SDK1: variants seen among roughly 807,000 people sequenced by gnomAD.
SDK1 encodes the protein sidekick cell adhesion molecule 1, also known as protein sidekick-1.
In SDK1, 157 loss-of-function variants were observed where a neutral mutation model predicts 245.5. That is an observed-to-expected ratio of 0.64 (90% CI 0.56 to 0.73). The LOEUF is 0.73. Ranked by LOEUF, SDK1 falls within the 30% of genes least tolerant of loss-of-function variation. SDK1 has a pLI of 0.00. For missense variants in SDK1, 3,583 were observed against 3,002.3 expected (o/e 1.19, Z -4.52); for synonymous variants, 1,647 against 1,278.5 (o/e 1.29, Z -6.15).
intron 14 of SDK1, among the ~76,000 whole-genome samples, chr7:3,995,028 T>A (rs1446267736): frequency 6.6e-6 from 1 of 152,190 alleles, no homozygotes; most frequent in African/African-American, 2.4e-5. Flanking sequence ...TTGCCAGCCC[T>A]ACTTCTTCCG....
intron 1 of SDK1, among the ~76,000 whole-genome samples, chr7:3,467,473 C>T (rs1006628570): frequency 6.6e-6 from 1 of 151,776 alleles, no homozygotes; most frequent in African/African-American, 2.4e-5. Flanking sequence ...ACCAATAACC[C>T]AGTAAAACAG....
At chr7:3,884,083 GTTTTTTTTTTTT>G (rs529710738) in intron 5 of SDK1, among the ~76,000 whole-genome samples, 8,340 of 136,202 alleles carry the variant, frequency 0.061, 329 homozygotes, top group South Asian at 0.1. Flanking sequence ...TTGTTTTTTT[GTTTTTTTTTTTT>G]TTTGAGACAG....
chr7:3,752,621 C>T (rs1216531700), intron 4 of SDK1, among the ~76,000 whole-genome samples: 1 of 152,114 alleles, frequency 6.6e-6, no homozygotes, highest in Non-Finnish European at 1.5e-5. Context: ...AGTATTCTAG[C>T]ATGGATTTAC....
At chr7:3,921,837 G>A (rs897216704) in intron 5 of SDK1, among the ~76,000 whole-genome samples, 7 of 152,014 alleles carry the variant, frequency 4.6e-5, no homozygotes, top group African/African-American at 1.2e-4. Context: ...ATGGTGGTGC[G>A]TGCCTGTGGT....
At chr7:3,856,952 A>T (rs1014796034) in intron 5 of SDK1, among the ~76,000 whole-genome samples, 1 of 152,198 alleles carries the variant, frequency 6.6e-6, no homozygotes, top group African/African-American at 2.4e-5. Context: ...AAAGAGGGAT[A>T]TTTCCTGCTG....
rs140024903 is a variant in SDK1, at chr7:4,247,645, G to A, written c.6381+1840G>A. On this transcript the variant is annotated intron_variant, in intron 44 of 44. Coordinates refer to ENST00000404826, the MANE Select transcript of SDK1 (RefSeq NM_152744.4). ...CTGCTCTTTCGAGTATCCAGGCACC[G>A]TGGGGGTGTCATAGCTGTGGGTGGT... 3.0e-3 allele frequency among the ~76,000 whole-genome samples: 458 copies of A among 152,324 alleles called. 4 individuals are homozygous for A. Among genetic ancestry groups the A allele is most frequent in the African/African-American group, 0.011 (438 of 41,568 alleles).
intron 5 of SDK1, among the ~76,000 whole-genome samples, chr7:3,881,105 C>T (rs529933799): frequency 1.3e-5 from 2 of 151,908 alleles, no homozygotes; most frequent in African/African-American, 4.8e-5. Context: ...TTATTTTCTT[C>T]AGCTTTTAAG....
At chr7:3,892,937 C>A (rs1203234097) in intron 5 of SDK1, among the ~76,000 whole-genome samples, 1 of 152,116 alleles carries the variant, frequency 6.6e-6, no homozygotes, top group African/African-American at 2.4e-5. Flanking sequence ...TGATCTCTGC[C>A]AGCGCACTTC....
intron 38 of SDK1, among the ~76,000 whole-genome samples, chr7:4,218,539 G>A (rs1006017614): frequency 3.3e-5 from 5 of 152,368 alleles, no homozygotes; most frequent in Non-Finnish European, 2.9e-5. Context: ...AATTTGCTTT[G>A]ATGGCTTTGA....
intron 5 of SDK1, among the ~76,000 whole-genome samples, chr7:3,877,459 C>T (rs992495317): frequency 3.3e-5 from 5 of 152,190 alleles, no homozygotes; most frequent in African/African-American, 1.2e-4. Flanking sequence ...GTTCAGTGTG[C>T]CCAGCTTGGA....
intron 28 of SDK1, among the ~76,000 whole-genome samples, chr7:4,139,955 C>G (rs763204177): frequency 2.1e-4 from 32 of 152,238 alleles, no homozygotes; most frequent in Non-Finnish European, 4.3e-4. Context: ...CCCTGAACAA[C>G]AAGACCCCAC....
intron 1 of SDK1, among the ~76,000 whole-genome samples, chr7:3,507,454 G>A (rs192056228): frequency 1.8e-4 from 27 of 152,216 alleles, no homozygotes; most frequent in South Asian, 8.3e-4. Context: ...GTAAATGCTC[G>A]GAATAATAGT....
In SDK1 at chr7:3,390,060, G is replaced by C. The variant is rs369685350; in HGVS notation, c.298+88176G>C. On this transcript the variant is annotated intron_variant, in intron 1 of 44. Transcript: ENST00000404826. ...CTGAATTGTGTCTTAGAGCTCTACG[G>C]AAAGCAGAATTTGTAAGTGATGAAG... 2.6e-5 allele frequency among the ~76,000 whole-genome samples: 4 copies of C among 152,154 alleles called. No individual in the cohort carries two copies. In the South Asian group the frequency reaches 8.3e-4, roughly 32 times the overall value.
intron 4 of SDK1, among the ~76,000 whole-genome samples, chr7:3,716,549 C>T (rs537216413): frequency 2.6e-5 from 4 of 151,982 alleles, no homozygotes; most frequent in Admixed American, 1.3e-4. Context: ...TGCTTGAGGC[C>T]AGGAATTTGA....
At chr7:3,903,950 C>T (rs1401025686) in intron 5 of SDK1, among the ~76,000 whole-genome samples, 1 of 152,168 alleles carries the variant, frequency 6.6e-6, no homozygotes, top group East Asian at 1.9e-4. Context: ...GTAATCTTCG[C>T]ACACGAGACA....
At chr7:3,890,803 G>GA (rs1470832599) in intron 5 of SDK1, among the ~76,000 whole-genome samples, 1 of 152,148 alleles carries the variant, frequency 6.6e-6, no homozygotes, top group East Asian at 1.9e-4. Context: ...TTAGCCAGGT[G>GA]TTGTGGTGGG....
chr7:3,708,722 C>G (rs1169379009), intron 4 of SDK1, among the ~76,000 whole-genome samples: 1 of 152,178 alleles, frequency 6.6e-6, no homozygotes, highest in Non-Finnish European at 1.5e-5. Context: ...ACCAGGCCCT[C>G]CATTCAACAT....
intron 4 of SDK1, among the ~76,000 whole-genome samples, chr7:3,701,924 CAAA>C (rs58687135): frequency 7.0e-5 from 6 of 85,716 alleles, no homozygotes; most frequent in South Asian, 4.7e-4. Context: ...CGTGCATAAG[CAAA>C]AAAAAAAAAA....
chr7:3,658,681 C>T (rs1422234084), intron 4 of SDK1, among the ~76,000 whole-genome samples: 3 of 149,280 alleles, frequency 2.0e-5, no homozygotes, highest in Admixed American at 1.3e-4. Flanking sequence ...GATCGATCTC[C>T]ACTCACTGCT....
Sources: allele counts gnomAD v4.1 joint callset (sites outside exome capture counted in the v4.1 genomes callset), GRCh38; gene constraint gnomAD v4.1.1; transcripts MANE v1.5; gene names NCBI Gene and HGNC (gene_info 2026-07-23, HGNC 2026-07-21).